Variants in SLC4A4 observed in about 807,000 individuals in gnomAD.
SLC4A4 encodes electrogenic sodium bicarbonate cotransporter 1.
SLC4A4 carries 27 observed loss-of-function variants against 111.5 expected under a neutral mutation model. The ratio of observed to expected loss-of-function variants is 0.24; its 90% CI spans 0.18 to 0.33. SLC4A4 has a LOEUF of 0.33. Ranked by LOEUF, SLC4A4 falls within the 10% of genes least tolerant of loss-of-function variation. SLC4A4 has a pLI of 1.00. For synonymous variants in SLC4A4, 443 were observed against 463.4 expected (o/e 0.96, Z 0.57); for missense variants, 909 against 1,315.5 (o/e 0.69, Z 4.78).
chr4:71,253,094 C>T (rs1054199035), intron 2 of SLC4A4, among the ~76,000 whole-genome samples: 3 of 152,148 alleles, frequency 2.0e-5, no homozygotes, highest in Non-Finnish European at 4.4e-5. Flanking sequence ...TAGACAGAAT[C>T]TGTTGCTGAG....
chr4:71,156,883 T>C (rs755333470), intron 2 of SLC4A4, among the ~76,000 whole-genome samples: 4 of 152,202 alleles, frequency 2.6e-5, no homozygotes, highest in African/African-American at 4.8e-5. Flanking sequence ...ATAGCACTTA[T>C]TCAGCTCATG....
Position 71,332,484 on chromosome 4 carries a change from G to A in SLC4A4, c.254-6886G>A, listed in dbSNP as rs569303529. On this transcript the variant is annotated intron_variant, in intron 3 of 25. Transcript: ENST00000264485. ...TTTTGAGACGGAGTCTCGTTCTGTC[G>A]CCCAGGCGGGAGTGCTGTGGCGCGA... Among the ~76,000 whole-genome samples the A allele has an allele frequency of 1.1e-4, 15 of 142,762 alleles. No individual in the cohort carries two copies. In the East Asian group the frequency reaches 2.8e-3, roughly 27 times the overall value. The allele number at this position is 142,762 out of a possible 152,430, so 93.7% of individuals were successfully genotyped here. A position where few individuals can be genotyped will look rare whatever the true frequency, so the allele number is the denominator to read the frequency against.
chr4:71,380,869 A>C (rs1718071141), intron 6 of SLC4A4, among the ~76,000 whole-genome samples: 1 of 152,156 alleles, frequency 6.6e-6, no homozygotes, highest in Non-Finnish European at 1.5e-5. Context: ...TTGTCTGCTC[A>C]TAAGAAGTGT....
At chr4:71,445,714 G>A (rs1278283941) in intron 8 of SLC4A4, among the ~76,000 whole-genome samples, 1 of 152,076 alleles carries the variant, frequency 6.6e-6, no homozygotes, top group South Asian at 2.1e-4. Context: ...AATGTGACCA[G>A]TACTTATGTT....
At chr4:71,068,144 A>G (rs1741576060) in intron 1 of SLC4A4, among the ~76,000 whole-genome samples, 1 of 143,768 alleles carries the variant, frequency 7.0e-6, no homozygotes, top group Non-Finnish European at 1.5e-5. Context: ...GGCTCACTGC[A>G]ACCTCTGCCT....
rs947093639 is a variant in SLC4A4 at position 71,405,819 on chromosome 4, T to A, written c.807+8166T>A. 4.6e-5 allele frequency among the ~76,000 whole-genome samples: 7 copies of A among 152,294 alleles called. 1 individual carries two copies. Among genetic ancestry groups the A allele is most frequent in the African/African-American group, 1.7e-4 (7 of 41,572 alleles). On this transcript the variant is annotated intron_variant, in intron 7 of 25. Transcript: ENST00000264485. ...TCTAGCATTTGCCTCCCAGCTCACTTTGGGGGCTTTTTGTCAGAAGCTTAA... is the reference window on the plus strand; with the variant it reads ...TCTAGCATTTGCCTCCCAGCTCACTATGGGGGCTTTTTGTCAGAAGCTTAA...
chr4:71,397,981 T>G (rs994564812), intron 7 of SLC4A4, among the ~76,000 whole-genome samples: 3 of 152,104 alleles, frequency 2.0e-5, no homozygotes, highest in African/African-American at 7.2e-5. Flanking sequence ...AAAAAATACT[T>G]TGGTAAATTA....
At position 71,560,236 on chromosome 4, in the gene SLC4A4, G is replaced by T; in HGVS notation, c.3081G>T (p.Leu1027=). 1 of 1,608,844 alleles carries T rather than the reference G, an allele frequency of 6.2e-7. No homozygotes were observed. ...AAAAGAAAAAGAAGAAGGGAAGTCT[G>T]GACAGTGACAATGATGATGTAAGGA... ...EKKKKKKKGS[L]DSDNDDSDCP... Residue 1027 remains leucine, a synonymous_variant, in exon 23 of 26, where the codon CTG becomes CTT. Transcript: ENST00000264485.
At chr4:71,089,993 G>A (rs912540880) in intron 1 of SLC4A4, among the ~76,000 whole-genome samples, 77 of 149,688 alleles carry the variant, frequency 5.1e-4, no homozygotes, top group Non-Finnish European at 8.2e-4. Flanking sequence ...TGCCCCCAGA[G>A]GTGGAGTCTA....
At chr4:71,197,027 C>T (rs1005569827) in intron 1 of SLC4A4, among the ~76,000 whole-genome samples, 5 of 151,642 alleles carry the variant, frequency 3.3e-5, no homozygotes, top group Admixed American at 6.6e-5. Flanking sequence ...CCAATCTGAA[C>T]AACATGGCGA....
chr4:71,544,427 T>G (rs7680259), intron 18 of SLC4A4, among the ~76,000 whole-genome samples: 108,146 of 150,816 alleles, frequency 0.72, 38,997 homozygotes, highest in Admixed American at 0.76. Context: ...GATCCAAGCA[T>G]GAGAGAGATT....
At chr4:71,477,874 C>T (rs1728508962) in intron 14 of SLC4A4, among the ~76,000 whole-genome samples, 1 of 151,760 alleles carries the variant, frequency 6.6e-6, no homozygotes, top group South Asian at 2.1e-4. Flanking sequence ...GTCCATCTGA[C>T]AGAAGGCTAA....
Position 71,555,221 on chromosome 4 carries a change from A to G in SLC4A4, c.2763+13A>G, listed in dbSNP as rs748155632. The G allele has an allele frequency of 6.4e-7, 1 of 1,557,234 alleles. No individual in the cohort carries two copies. Among genetic ancestry groups the G allele is most frequent in the Non-Finnish European group, 8.9e-7 (1 of 1,128,778 alleles). ...TAATGGTGTGCAGGTAAGTTTTTGA[A>G]TAGCAATGTAAGTACAGTAGTGTTT... On this transcript the variant is annotated intron_variant, in intron 21 of 25. Coordinates refer to ENST00000264485, the MANE Select transcript of SLC4A4 (RefSeq NM_001098484.3).
At chr4:71,567,563 T>C (rs1270286716) in intron 25 of SLC4A4, among the ~76,000 whole-genome samples, 2 of 151,834 alleles carry the variant, frequency 1.3e-5, no homozygotes, top group African/African-American at 4.8e-5. Context: ...TTTTTATTAA[T>C]TTAATCTAGG....
chr4:71,232,664 G>T (rs909938647), intron 1 of SLC4A4, among the ~76,000 whole-genome samples: 1 of 152,096 alleles, frequency 6.6e-6, no homozygotes, highest in Non-Finnish European at 1.5e-5. Flanking sequence ...CCTCCCACTC[G>T]GCCTCCCAAA....
At chr4:71,476,323 G>A (rs556122844) in intron 14 of SLC4A4, among the ~76,000 whole-genome samples, 2 of 151,836 alleles carry the variant, frequency 1.3e-5, no homozygotes, top group African/African-American at 4.8e-5. Context: ...GTTGCATATA[G>A]AGCTCAAGTA....
intron 5 of SLC4A4, among the ~76,000 whole-genome samples, chr4:71,356,729 A>G (rs1047589944): frequency 6.6e-6 from 1 of 152,180 alleles, no homozygotes; most frequent in Admixed American, 6.5e-5. Context: ...AATATAAATT[A>G]CTGACTTATT....
At chr4:71,064,145 A>G (rs761704338) in intron 1 of SLC4A4, among the ~76,000 whole-genome samples, 4 of 152,240 alleles carry the variant, frequency 2.6e-5, no homozygotes, top group Non-Finnish European at 5.9e-5. Flanking sequence ...TGTGATTTCT[A>G]TAATTTTAGA....
chr4:71,139,743 A>G (rs1375626892), intron 2 of SLC4A4, among the ~76,000 whole-genome samples: 1 of 152,132 alleles, frequency 6.6e-6, no homozygotes, highest in African/African-American at 2.4e-5. Flanking sequence ...GTACATATTT[A>G]TGGGGTACAT....
Sources: allele counts gnomAD v4.1 joint callset (sites outside exome capture counted in the v4.1 genomes callset), GRCh38; gene constraint gnomAD v4.1.1; transcripts MANE v1.5; gene names NCBI Gene and HGNC (gene_info 2026-07-23, HGNC 2026-07-21).